ITCH: variants seen among roughly 807,000 people sequenced by gnomAD.
The protein encoded by ITCH is E3 ubiquitin-protein ligase Itchy homolog.
Under a neutral mutation model 126.8 loss-of-function variants are expected in ITCH, and 28 were observed. The ratio of observed to expected loss-of-function variants is 0.22; its 90% CI spans 0.16 to 0.30. ITCH has a LOEUF of 0.30. ITCH is among the 10% of genes least tolerant of loss of function. The pLI is 1.00. For synonymous variants in ITCH, 342 were observed against 340.0 expected (o/e 1.01, Z -0.06); for missense variants, 631 against 1,032.4 (o/e 0.61, Z 5.33).
chr20:34,417,536 A>G (rs1980086397), intron 6 of ITCH, among the ~76,000 whole-genome samples: 2 of 150,812 alleles, frequency 1.3e-5, no homozygotes, highest in African/African-American at 4.9e-5. Flanking sequence ...AGTAGCTGGG[A>G]TGACAGGCAT....
At chr20:34,474,046 T>A (rs1306177370) in intron 16 of ITCH, among the ~76,000 whole-genome samples, 3 of 152,232 alleles carry the variant, frequency 2.0e-5, no homozygotes, top group Non-Finnish European at 4.4e-5. Context: ...ATGAAAACAT[T>A]TTGCTAAAGT....
chr20:34,408,909 T>TA, intron 4 of ITCH, 117 bp downstream of exon 4: 3 of 1,056,656 alleles, frequency 2.8e-6, no homozygotes, highest in Non-Finnish European at 4.1e-6. Context: ...CTTTCTCTCT[T>TA]CTTTTTTTTT....
At chr20:34,497,544 T>A (rs1989968642) in intron 23 of ITCH, among the ~76,000 whole-genome samples, 1 of 152,228 alleles carries the variant, frequency 6.6e-6, no homozygotes, top group Admixed American at 6.5e-5. Context: ...TTGTTTTTTC[T>A]ATTTCTGTGA....
intron 1 of ITCH, among the ~76,000 whole-genome samples, chr20:34,368,689 C>T (rs1338773249): frequency 2.6e-5 from 4 of 152,184 alleles, no homozygotes; most frequent in Non-Finnish European, 2.9e-5. Flanking sequence ...TAGCAGTGTA[C>T]TGTCCTTGAA....
intron 6 of ITCH, among the ~76,000 whole-genome samples, chr20:34,417,604 T>C (rs1004515922): frequency 1.4e-4 from 21 of 151,140 alleles, no homozygotes; most frequent in South Asian, 4.2e-4. Flanking sequence ...TTTACCAAGT[T>C]GGCCAGGGTG....
At chr20:34,469,320 G>T (rs566562307) in intron 14 of ITCH, among the ~76,000 whole-genome samples, 1 of 151,554 alleles carries the variant, frequency 6.6e-6, no homozygotes, top group South Asian at 2.1e-4. Flanking sequence ...ACGGAGTCTA[G>T]CTTTGTCACC....
At chr20:34,395,586 T>G (rs1351032010) in intron 3 of ITCH, among the ~76,000 whole-genome samples, 1 of 152,188 alleles carries the variant, frequency 6.6e-6, no homozygotes, top group African/African-American at 2.4e-5. Flanking sequence ...AAAGAAGCCC[T>G]GTACTCATTA....
chr20:34,487,014 T>A (rs888993669), intron 20 of ITCH, among the ~76,000 whole-genome samples: 6 of 145,256 alleles, frequency 4.1e-5, no homozygotes, highest in Non-Finnish European at 7.6e-5. Context: ...TTTGTTAGGT[T>A]TTTTTTTTTT....
chr20:34,389,331 G>A lies in ITCH; in HGVS notation c.-21-4460G>A, dbSNP rs917462614. Among the ~76,000 whole-genome samples the A allele has an allele frequency of 5.3e-5, 8 of 152,108 alleles. No individual in the cohort carries two copies. In the East Asian group the frequency reaches 1.5e-3, roughly 29 times the overall value. On this transcript the variant is annotated intron_variant, in intron 2 of 24. Transcript: ENST00000374864. ...CTGCTCCTGGCCTCAATCTGTGTGT[G>A]GTTGAAAAAAGGCTGCATATAAGTG... is the stretch of plus-strand genomic sequence containing the variant.
chr20:34,456,866 G>A (rs1029581939), intron 12 of ITCH, among the ~76,000 whole-genome samples: 63 of 151,356 alleles, frequency 4.2e-4, no homozygotes, highest in African/African-American at 1.4e-3. Context: ...ACAGGCCTGA[G>A]CCACCCCGCC....
chr20:34,429,671 C>G (rs1187940934), intron 7 of ITCH, among the ~76,000 whole-genome samples: 3 of 152,050 alleles, frequency 2.0e-5, no homozygotes, highest in Non-Finnish European at 4.4e-5. Context: ...CCCCAAAGTC[C>G]GAGCGTGCAG....
rs561120659 is a variant in ITCH at position 34,406,538 on chromosome 20, T to C, written c.71-2113T>C. Among the ~76,000 whole-genome samples the C allele has an allele frequency of 4.6e-3, 697 of 150,950 alleles. 4 individuals are homozygous for C. The highest frequency in any genetic ancestry group is 0.027 in the Middle Eastern group (8 of 294). On this transcript the variant is annotated intron_variant, in intron 3 of 24. Transcript: ENST00000374864. Reference sequence around the variant, plus strand: ...ACTATATATTAAGCTGCTGCTTCTTTTTTTTTTTTTTTTCGAGATGGAGTC... The same window carrying C: ...ACTATATATTAAGCTGCTGCTTCTTCTTTTTTTTTTTTTCGAGATGGAGTC...
At chr20:34,464,313 T>C (rs912815817) in intron 14 of ITCH, among the ~76,000 whole-genome samples, 40 of 150,244 alleles carry the variant, frequency 2.7e-4, no homozygotes, top group Non-Finnish European at 2.5e-4. Flanking sequence ...TTTTTTTCTT[T>C]CTTTCTTTCT....
At chr20:34,390,126 A>AG (rs1204198182) in intron 2 of ITCH, among the ~76,000 whole-genome samples, 10 of 151,754 alleles carry the variant, frequency 6.6e-5, no homozygotes, top group African/African-American at 2.4e-4. Flanking sequence ...TCTCAAAAAA[A>AG]AAAAGAAAAA....
At chr20:34,428,833 A>G (rs1274526728) in intron 7 of ITCH, among the ~76,000 whole-genome samples, 1 of 152,208 alleles carries the variant, frequency 6.6e-6, no homozygotes, top group Non-Finnish European at 1.5e-5. Context: ...GAACTTATTT[A>G]TAGGTCAGAT....
At chr20:34,441,838 A>T (rs914797772) in intron 9 of ITCH, 2 of 264,520 alleles carry the variant, frequency 7.6e-6, no homozygotes, top group Non-Finnish European at 1.5e-5. Context: ...CACCCGTCTC[A>T]GCCTCCCAAA....
intron 16 of ITCH, among the ~76,000 whole-genome samples, chr20:34,471,777 T>TTGTGTGTGTGTGTG (rs10667439): frequency 5.6e-5 from 3 of 53,832 alleles, no homozygotes; most frequent in African/African-American, 1.9e-4. Flanking sequence ...GATAATAGGT[T>TTGTGTGTGTGTGTG]TGTGTGTGTG....
At chr20:34,489,241 AG>A (rs777939206) in intron 20 of ITCH, 24 bp from the exon 21 acceptor site, 7 of 1,609,016 alleles carry the variant, frequency 4.4e-6, no homozygotes, top group Non-Finnish European at 5.1e-6. Context: ...ACTTCCTGAT[AG>A]GTTTTTTCAT....
chr20:34,369,525 C>G (rs1312931605), intron 2 of ITCH, 55 bp downstream of exon 2: 1 of 396,920 alleles, frequency 2.5e-6, no homozygotes, highest in Non-Finnish European at 4.4e-6. Context: ...AGAGGCCAAG[C>G]TCTGGTCTTA....
Sources: allele counts gnomAD v4.1 joint callset (sites outside exome capture counted in the v4.1 genomes callset), GRCh38; gene constraint gnomAD v4.1.1; transcripts MANE v1.5; gene names NCBI Gene and HGNC (gene_info 2026-07-23, HGNC 2026-07-21).